Variants in PCDHA4 observed in about 807,000 individuals in gnomAD.
PCDHA4 encodes the protein protocadherin alpha-4.
In PCDHA4, 49 loss-of-function variants were observed where a neutral mutation model predicts 61.4. The ratio of observed to expected loss-of-function variants is 0.80; its 90% confidence interval spans 0.63 to 1.01. The LOEUF (loss-of-function observed/expected upper bound fraction) is 1.01, where lower values mean the gene tolerates loss of function less well. Among genes scored for constraint, PCDHA4 ranks in the 50% least tolerant of loss-of-function variants. The pLI, the probability that PCDHA4 is intolerant of heterozygous loss-of-function variation, is 0.00. For missense variants in PCDHA4, 1,254 were observed against 1,235.8 expected (o/e 1.01, Z -0.22); for synonymous variants, 590 against 550.3 (o/e 1.07, Z -1.01).
intron 3 of PCDHA4, among the ~76,000 whole-genome samples, chr5:140,993,523 CAGAG>C (rs111789518): frequency 3.4e-5 from 5 of 145,668 alleles, no homozygotes; most frequent in South Asian, 2.2e-4. Flanking sequence ...GAGAGAGAGA[CAGAG>C]AGAGAGAGAG....
intron 1 of PCDHA4, among the ~76,000 whole-genome samples, chr5:140,831,826 A>G (rs1029398204): frequency 6.6e-6 from 1 of 152,198 alleles, no homozygotes; most frequent in African/African-American, 2.4e-5. Context: ...GATAAACACT[A>G]GTTTCAATGA....
At chr5:140,837,831 T>C (rs1775280897) in intron 1 of PCDHA4, among the ~76,000 whole-genome samples, 1 of 151,530 alleles carries the variant, frequency 6.6e-6, no homozygotes, top group Admixed American at 6.6e-5. Flanking sequence ...TTGCATGTCA[T>C]TGTGCCTGGC....
chr5:140,877,057 G>C, intron 1 of PCDHA4: 1 of 1,612,862 alleles, frequency 6.2e-7, no homozygotes. Flanking sequence ...CGAGGAGCTG[G>C]AGCTGCTGCA....
chr5:140,998,186 CA>C (rs1323195881), intron 3 of PCDHA4, among the ~76,000 whole-genome samples: 1 of 152,088 alleles, frequency 6.6e-6, no homozygotes, highest in African/African-American at 2.4e-5. Context: ...AAGCACTTTA[CA>C]AGTATTAACT....
At chr5:140,944,407 G>A (rs1384591675) in intron 1 of PCDHA4, among the ~76,000 whole-genome samples, 2 of 152,036 alleles carry the variant, frequency 1.3e-5, no homozygotes, top group East Asian at 1.9e-4. Context: ...GGCTGGTCTC[G>A]AACTCCTGAT....
At chr5:140,879,375 C>T (rs2057967921) in intron 1 of PCDHA4, among the ~76,000 whole-genome samples, 1 of 152,076 alleles carries the variant, frequency 6.6e-6, no homozygotes, top group Non-Finnish European at 1.5e-5. Context: ...ACCTGCAGAA[C>T]AAGGTTGGAG....
At position 140,835,897 on chromosome 5, in the gene PCDHA4, C is replaced by G. The variant is rs2150247732; in HGVS notation, c.2385+26325C>G. The G allele has an allele frequency of 2.6e-5, 42 of 1,611,960 alleles. No homozygotes were observed. Among genetic ancestry groups the G allele is most frequent in the Middle Eastern group, 4.0e-4 (2 of 4,944 alleles). On this transcript the variant is annotated intron_variant, in intron 1 of 3. Coordinates refer to ENST00000530339, the MANE Select transcript of PCDHA4 (RefSeq NM_018907.4). ...CTGCGGGTGGGCGAGCGCGCGCTGT[C>G]GAGCTACGTGTCAGTGCACGCGGAG...
At chr5:140,811,576 C>T (rs1764908062) in intron 1 of PCDHA4, 1 of 152,250 alleles carries the variant, frequency 6.6e-6, no homozygotes, top group Admixed American at 6.5e-5. Flanking sequence ...AATCGCCACA[C>T]TGTCTTCCAC....
At chr5:140,921,615 C>A (rs977929420) in intron 1 of PCDHA4, among the ~76,000 whole-genome samples, 13 of 152,090 alleles carry the variant, frequency 8.5e-5, no homozygotes, top group Non-Finnish European at 1.5e-4. Flanking sequence ...AGAAAAATAT[C>A]ATCAGATCAT....
intron 2 of PCDHA4, among the ~76,000 whole-genome samples, chr5:140,981,835 T>C (rs991736759): frequency 6.6e-6 from 1 of 152,162 alleles, no homozygotes; most frequent in Non-Finnish European, 1.5e-5. Context: ...TCTAAAGGTC[T>C]CCCAGTTTGT....
chr5:140,839,004 T>C (rs1554137267), intron 1 of PCDHA4, among the ~76,000 whole-genome samples: 1 of 152,116 alleles, frequency 6.6e-6, no homozygotes, highest in East Asian at 1.9e-4. Context: ...TAATATACTT[T>C]AGTAAATTAT....
chr5:140,964,894 T>C (rs754817292), intron 1 of PCDHA4, among the ~76,000 whole-genome samples: 8 of 152,210 alleles, frequency 5.3e-5, no homozygotes, highest in Non-Finnish European at 1.2e-4. Flanking sequence ...GATAGGAGGC[T>C]GGGCGCTTCT....
At chr5:140,926,738 G>T in intron 1 of PCDHA4, 1 of 1,162,106 alleles carries the variant, frequency 8.6e-7, no homozygotes, top group Non-Finnish European at 1.1e-6. Context: ...TTCGGGAGGC[G>T]CAACGTCGGC....
At chr5:140,979,078 A>G (rs2240296) in intron 2 of PCDHA4, 71 bp downstream of exon 2, 2 of 1,583,496 alleles carry the variant, frequency 1.3e-6, no homozygotes, top group East Asian at 4.5e-5. Flanking sequence ...CTGCATCTCC[A>G]TAGGCCAGAA....
At chr5:140,937,546 G>A (rs1584916949) in intron 1 of PCDHA4, among the ~76,000 whole-genome samples, 1 of 152,050 alleles carries the variant, frequency 6.6e-6, no homozygotes, top group Non-Finnish European at 1.5e-5. Flanking sequence ...GAACCTGCGA[G>A]GCAGAGGTTG....
intron 1 of PCDHA4, among the ~76,000 whole-genome samples, chr5:140,965,073 TCTGA>T (rs1372324599): frequency 1.3e-5 from 2 of 152,186 alleles, no homozygotes; most frequent in African/African-American, 4.8e-5. Context: ...CAGGTCTCAC[TCTGA>T]CTTTGTTCCA....
At chr5:140,906,253 A>C (rs1049653184) in intron 1 of PCDHA4, among the ~76,000 whole-genome samples, 5 of 152,064 alleles carry the variant, frequency 3.3e-5, no homozygotes, top group South Asian at 2.1e-4. Flanking sequence ...ACCCATACAC[A>C]CCTCCTGAAA....
chr5:140,901,690 T>C (rs566618023), intron 1 of PCDHA4, among the ~76,000 whole-genome samples: 22 of 152,340 alleles, frequency 1.4e-4, no homozygotes, highest in African/African-American at 5.3e-4. Flanking sequence ...ATGGGTATTT[T>C]GTAGTTCTAT....
intron 3 of PCDHA4, among the ~76,000 whole-genome samples, chr5:141,007,932 A>T (rs150576416): frequency 3.9e-5 from 6 of 152,336 alleles, no homozygotes; most frequent in Non-Finnish European, 7.3e-5. Context: ...CTGGAATTCT[A>T]AGCCACCTTT....
Sources: gnomAD v4.1 joint callset for allele counts (sites outside exome capture counted in the v4.1 genomes callset) on GRCh38, gnomAD v4.1.1 for gene constraint, MANE v1.5 for transcripts, NCBI Gene and HGNC (gene_info 2026-07-23, HGNC 2026-07-21) for gene names.